Variants in FANCA observed in about 807,000 individuals in gnomAD.
FANCA encodes Fanconi anemia group A protein.
In FANCA, 236 loss-of-function variants were observed where a neutral mutation model predicts 194.3. That is an observed-to-expected ratio of 1.21 (90% CI 1.09 to 1.35). The LOEUF (loss-of-function observed/expected upper bound fraction) is 1.35. Among genes scored for constraint, FANCA ranks in the 40% most tolerant of loss-of-function variants. The pLI is 0.00. For synonymous variants in FANCA, 1,014 were observed against 715.8 expected (o/e 1.42, Z -6.65); for missense variants, 2,628 against 1,813.9 (o/e 1.45, Z -8.15).
Position 89,769,808 on chromosome 16 carries a change from G to A in FANCA, c.2504+29C>T, listed in dbSNP as rs202160607. ...GTGTCACTTTTCGAGAGAGAGGAGAGAAGACGCGACTGTGGAAGAAGAGCT... is the reference window on the plus strand; with the variant it reads ...GTGTCACTTTTCGAGAGAGAGGAGAAAAGACGCGACTGTGGAAGAAGAGCT... On this transcript the variant is annotated intron_variant, in intron 26 of 42. Coordinates refer to ENST00000389301, the MANE Select transcript of FANCA (RefSeq NM_000135.4). 5.6e-5 allele frequency: 90 copies of A among 1,612,540 alleles called. No individual in the cohort carries two copies. The African/African-American group carries it at 9.9e-4, about 18-fold the overall frequency.
chr16:89,739,284 A>G lies in FANCA; in HGVS notation c.4016T>C (p.Leu1339Pro), dbSNP rs1219627612. Reference sequence around the variant, plus strand: ...GGCCGCGTCTTCATGGAAGTAGGAGAGAAGACTAGAGGTAAAGACATAGTG... The same window carrying G: ...GGCCGCGTCTTCATGGAAGTAGGAGGGAAGACTAGAGGTAAAGACATAGTG... ...RLLPFAFYSL[L>P]SYFHEDAAIR... Residue 1339 changes from leucine to proline, a missense_variant, in exon 41 of 43, where the codon CTC (leucine) becomes CCC (proline). Physicochemically the swap from Leu to Pro is moderately conservative, Grantham distance 98. Coordinates refer to ENST00000389301, the MANE Select transcript of FANCA (RefSeq NM_000135.4). 3.7e-6 allele frequency: 6 copies of G among 1,614,020 alleles called. No homozygotes were observed. The highest frequency in any genetic ancestry group is 4.2e-6 in the Non-Finnish European group (5 of 1,180,050).
At chr16:89,759,342 A>AAAAAAAAAAAAAAC (rs2038870282) in intron 29 of FANCA, among the ~76,000 whole-genome samples, 1 of 143,944 alleles carries the variant, frequency 6.9e-6, no homozygotes, top group Non-Finnish European at 1.6e-5. Flanking sequence ...AAAAAAAAAA[A>AAAAAAAAAAAAAAC]AAAAAAAGTA....
chr16:89,782,072 G>A (rs1187285268), intron 17 of FANCA, among the ~76,000 whole-genome samples: 1 of 151,466 alleles, frequency 6.6e-6, no homozygotes, highest in Non-Finnish European at 1.5e-5. Flanking sequence ...ACATTTGGCT[G>A]CTATAAAAAC....
intron 14 of FANCA, among the ~76,000 whole-genome samples, chr16:89,789,391 G>A (rs908951900): frequency 3.3e-5 from 5 of 150,230 alleles, no homozygotes; most frequent in Non-Finnish European, 5.9e-5. Context: ...CTCCTACAAA[G>A]AGGCAACTAC....
chr16:89,739,785 G>C (rs2062080409), intron 39 of FANCA: 1 of 1,469,276 alleles, frequency 6.8e-7, no homozygotes, highest in Admixed American at 2.3e-5. Flanking sequence ...CAGTCCCCAT[G>C]ATAGGCCCAT....
At position 89,767,193 on chromosome 16, in the gene FANCA, G is replaced by T. The variant is rs77805547; in HGVS notation, c.2549C>A (p.Ser850Tyr). The change falls in exon 27 of 43, where the codon TCC (serine) becomes TAC (tyrosine). Residue 850 changes from serine (S) to tyrosine (Y), a missense_variant. Ser to Tyr is a moderately radical substitution (Grantham distance 144). Coordinates refer to ENST00000389301, the MANE Select transcript of FANCA (RefSeq NM_000135.4). ...GCTGCACAAAGTATCTCGTGACTGG[G>T]AAGAAAACTTGCAGAGAGAGTAAGA... ...AISYSLCKFS[S>Y]QSRDTLCSCL... 5.0e-6 allele frequency: 8 copies of T among 1,613,996 alleles called. No individual in the cohort carries two copies. In the African/African-American group the frequency reaches 1.1e-4, roughly 22 times the overall value.
intron 28 of FANCA, among the ~76,000 whole-genome samples, chr16:89,763,154 G>C (rs2039010929): frequency 6.6e-6 from 1 of 151,958 alleles, no homozygotes; most frequent in Non-Finnish European, 1.5e-5. Context: ...GGCCGAGTCA[G>C]GAGAATCCCT....
chr16:89,799,576 C>T (rs779850513), intron 9 of FANCA, 29 bp downstream of exon 9: 5 of 1,605,230 alleles, frequency 3.1e-6, no homozygotes, highest in African/African-American at 2.7e-5. Flanking sequence ...AAGTCATTTA[C>T]AGTCTGGGCT....
intron 27 of FANCA, among the ~76,000 whole-genome samples, chr16:89,766,628 C>T (rs2039137022): frequency 6.6e-6 from 1 of 151,856 alleles, no homozygotes; most frequent in Non-Finnish European, 1.5e-5. Flanking sequence ...GGCAGGAGAA[C>T]TGCCTGAACC....
At chr16:89,805,034 G>A (rs770067181) in intron 7 of FANCA, among the ~76,000 whole-genome samples, 29 of 151,966 alleles carry the variant, frequency 1.9e-4, no homozygotes, top group African/African-American at 4.3e-4. Context: ...AAGCAGCTGC[G>A]GTCACTCTAT....
chr16:89,755,998 G>C (rs1455399393), intron 30 of FANCA, among the ~76,000 whole-genome samples: 3 of 152,154 alleles, frequency 2.0e-5, no homozygotes, highest in African/African-American at 7.2e-5. Context: ...AACCGGCATA[G>C]CATGTAACTG....
At chr16:89,753,101 A>G (rs1487307501) in intron 30 of FANCA, among the ~76,000 whole-genome samples, 1 of 152,206 alleles carries the variant, frequency 6.6e-6, no homozygotes, top group Non-Finnish European at 1.5e-5. Context: ...GAAAATACTA[A>G]TAGTCCCTGA....
chr16:89,795,002 C>T (rs1237282541), intron 11 of FANCA, among the ~76,000 whole-genome samples: 2 of 152,050 alleles, frequency 1.3e-5, no homozygotes, highest in Non-Finnish European at 2.9e-5. Flanking sequence ...GACTAGACAG[C>T]GGCTGGGCAC....
intron 21 of FANCA, among the ~76,000 whole-genome samples, chr16:89,775,397 G>A (rs2039466484): frequency 6.6e-6 from 1 of 152,356 alleles, no homozygotes; most frequent in African/African-American, 2.4e-5. Flanking sequence ...TCGAGCCAGC[G>A]CTGTGGGCCC....
chr16:89,812,848 G>A (rs1007974016), intron 3 of FANCA, among the ~76,000 whole-genome samples: 3 of 150,024 alleles, frequency 2.0e-5, no homozygotes, highest in African/African-American at 7.4e-5. Flanking sequence ...GCCTGGCCAA[G>A]ATGGTGAAAC....
chr16:89,782,460 G>C (rs1203885682), intron 17 of FANCA, among the ~76,000 whole-genome samples: 3 of 151,432 alleles, frequency 2.0e-5, no homozygotes, highest in Non-Finnish European at 4.4e-5. Context: ...GCAGTGAGCC[G>C]AGATTGCGCC....
intron 9 of FANCA, 149 bp downstream of exon 9, chr16:89,799,456 T>C (rs1220833420): frequency 2.1e-6 from 2 of 974,822 alleles, no homozygotes; most frequent in Non-Finnish European, 3.2e-6. Context: ...GCTCTGAAAA[T>C]GCCAAAACAA....
rs943210487 is a variant in FANCA, at chr16:89,742,687, A to G, written c.3765+113T>C. 4 of 990,788 alleles carry G rather than the reference A, an allele frequency of 4.0e-6. No homozygotes were observed. In the Admixed American group the frequency reaches 7.8e-5, roughly 19 times the overall value. The allele number at this position is 990,788 out of a possible 1,614,324, so 61.4% of individuals were successfully genotyped here. ...AAAAAAAAAAAAAAAGTCTTGCTCCAAGCCACATATTTGTCTTTAGAAAAA... is the reference window on the plus strand; with the variant it reads ...AAAAAAAAAAAAAAAGTCTTGCTCCGAGCCACATATTTGTCTTTAGAAAAA... On this transcript the variant is annotated intron_variant, in intron 37 of 42. Coordinates refer to ENST00000389301, the MANE Select transcript of FANCA (RefSeq NM_000135.4).
intron 22 of FANCA, among the ~76,000 whole-genome samples, 195 bp downstream of exon 22, chr16:89,773,076 G>C (rs2039378669): frequency 1.3e-5 from 2 of 152,214 alleles, no homozygotes; most frequent in African/African-American, 4.8e-5. Context: ...GTCTGTGACA[G>C]CTTCAGTAGG....
Sources: gnomAD v4.1 joint callset for allele counts (sites outside exome capture counted in the v4.1 genomes callset) on GRCh38, gnomAD v4.1.1 for gene constraint, MANE v1.5 for transcripts, NCBI Gene and HGNC (gene_info 2026-07-23, HGNC 2026-07-21) for gene names.